Variants in CYP46A1 observed in about 807,000 individuals in gnomAD.
The protein encoded by CYP46A1 is cytochrome P450 family 46 subfamily A member 1.
In CYP46A1, 20 loss-of-function variants were observed where a neutral mutation model predicts 63.3. The ratio of observed to expected loss-of-function variants is 0.32; its 90% CI spans 0.22 to 0.46. CYP46A1 has a LOEUF of 0.46. Among genes scored for constraint, CYP46A1 ranks in the 20% least tolerant of loss-of-function variants. The pLI is 1.00. For synonymous variants in CYP46A1, 268 were observed against 273.6 expected, an observed-to-expected ratio of 0.98 and a Z score of 0.20; for missense variants, 445 against 670.8, an observed-to-expected ratio of 0.66 and a Z score of 3.72.
intron 5 of CYP46A1, 51 bp downstream of exon 5, chr14:99,700,152 G>C (rs943880): frequency 0.34 from 499,776 of 1,461,316 alleles, 89,031 homozygotes; most frequent in Middle Eastern, 0.42. Context: ...AGGCAGTAGG[G>C]GCTGCCGAAG....
At chr14:99,717,785 T>G in intron 9 of CYP46A1, 1 of 421,502 alleles carries the variant, frequency 2.4e-6, no homozygotes, top group Non-Finnish European at 4.2e-6. Context: ...CTCACGGACT[T>G]TGAATTGTGT....
intron 3 of CYP46A1, among the ~76,000 whole-genome samples, chr14:99,692,680 A>G (rs529254456): frequency 6.6e-6 from 1 of 151,692 alleles, no homozygotes; most frequent in African/African-American, 2.4e-5. Context: ...AAATACAAAA[A>G]TTAGCTGGGT....
chr14:99,716,204 G>A lies in CYP46A1; in HGVS notation c.907+5G>A, dbSNP rs778953659. 1 of 1,614,224 alleles carries A rather than the reference G, an allele frequency of 6.2e-7. No individual in the cohort carries two copies. The highest frequency in any genetic ancestry group is 8.5e-7 in the Non-Finnish European group (1 of 1,180,022). ...TCGTCACCTTCTTCATTGCTGGTTT[G>A]TAGCTTTGGCGGTGGCCAAGGGCCC... On this transcript the variant is annotated splice_donor_5th_base_variant and intron_variant, in intron 9 of 14. Coordinates refer to ENST00000261835, the MANE Select transcript of CYP46A1 (RefSeq NM_006668.2).
chr14:99,727,211 G>GT lies in CYP46A1; in HGVS notation c.*485dup, dbSNP rs1304096715. The stretch of plus-strand genomic sequence containing the variant: ...CTGCCAGGCTGTCAGCGCCTCAAGG[G>GT]TAGGGTCTGCGTGTGATTTGTCTCT... On this transcript the variant is annotated 3_prime_UTR_variant, in exon 15 of 15. Coordinates refer to ENST00000261835, the MANE Select transcript of CYP46A1 (RefSeq NM_006668.2). 6.4e-6 allele frequency: 1 copy of GT among 156,778 alleles called. No homozygotes were observed. Among genetic ancestry groups the GT allele is most frequent in the East Asian group, 1.9e-4 (1 of 5,336 alleles). The allele number at this position is 156,778 out of a possible 1,614,324, so 9.7% of individuals were successfully genotyped here. A position where few individuals can be genotyped will look rare whatever the true frequency, so the allele number is the denominator to read the frequency against.
chr14:99,721,330 G>C lies in CYP46A1; in HGVS notation c.1065+7G>C, dbSNP rs1297244677. On this transcript the variant is annotated splice_region_variant and intron_variant, in intron 11 of 14. Coordinates refer to ENST00000261835, the MANE Select transcript of CYP46A1 (RefSeq NM_006668.2). Reference sequence around the variant, plus strand: ...ACTGCAGTACCTGTCCCAGGTGTGGGAAGTAGGAGGGAAGCTTCTGGGCGG... The same window carrying C: ...ACTGCAGTACCTGTCCCAGGTGTGGCAAGTAGGAGGGAAGCTTCTGGGCGG... The C allele has an allele frequency of 6.3e-7, 1 of 1,589,676 alleles. No homozygotes were observed. The highest frequency in any genetic ancestry group is 1.3e-5 in the African/African-American group (1 of 74,372).
At chr14:99,691,995 A>C in intron 3 of CYP46A1, 134 bp downstream of exon 3, 1 of 859,346 alleles carries the variant, frequency 1.2e-6, no homozygotes, top group Non-Finnish European at 1.9e-6. Flanking sequence ...AAAGATCCAG[A>C]AAGGAATGGC....
At position 99,688,697 on chromosome 14, in the gene CYP46A1, G is replaced by A. The variant is rs113063151; in HGVS notation, c.120-2384G>A. On this transcript the variant is annotated intron_variant, in intron 1 of 14. Transcript: ENST00000261835. ...CACCCTCTCGTTCCCTGTAGCTGCC[G>A]CCCCCTATGGTAACCCACCTGGCTG... is the stretch of plus-strand genomic sequence containing the variant. Among the ~76,000 whole-genome samples the A allele has an allele frequency of 6.3e-3, 960 of 152,130 alleles. 10 individuals carry two copies. The highest frequency in any genetic ancestry group is 0.022 in the African/African-American group (928 of 41,478).
chr14:99,723,497 T>G (rs1351759497), intron 12 of CYP46A1, among the ~76,000 whole-genome samples: 1 of 152,084 alleles, frequency 6.6e-6, no homozygotes, highest in Non-Finnish European at 1.5e-5. Flanking sequence ...TTAGTAGAGA[T>G]GGGGTTTCAC....
intron 5 of CYP46A1, among the ~76,000 whole-genome samples, chr14:99,701,091 GTT>G (rs758226288): frequency 6.6e-6 from 1 of 152,146 alleles, no homozygotes; most frequent in Non-Finnish European, 1.5e-5. Flanking sequence ...ATTGAACAGT[GTT>G]TGTGTTTTAA....
chr14:99,685,317 G>T (rs866422595), intron 1 of CYP46A1, among the ~76,000 whole-genome samples: 2 of 42,862 alleles, frequency 4.7e-5, no homozygotes, highest in Non-Finnish European at 4.2e-5. Flanking sequence ...CCCTCCCCCC[G>T]CCCCCCCCGC....
chr14:99,716,248 T>C, intron 9 of CYP46A1, 49 bp downstream of exon 9: 1 of 1,591,610 alleles, frequency 6.3e-7, no homozygotes, highest in Middle Eastern at 1.7e-4. Context: ...GCAGAAATGC[T>C]GTGGACCATG....
chr14:99,723,331 TAG>T (rs929625398), intron 12 of CYP46A1, among the ~76,000 whole-genome samples: 114 of 152,348 alleles, frequency 7.5e-4, no homozygotes, highest in African/African-American at 2.6e-3. Context: ...TGTTTTTAAA[TAG>T]AGTCTTGCTC....
intron 5 of CYP46A1, chr14:99,706,444 G>C: frequency 3.4e-6 from 2 of 590,356 alleles, no homozygotes; most frequent in Non-Finnish European, 6.0e-6. Flanking sequence ...ATCCTGAGTG[G>C]AGGAGAATGG....
Position 99,707,550 on chromosome 14 carries a change from C to T in CYP46A1, c.583-18C>T, listed in dbSNP as rs1443421023. The T allele has an allele frequency of 1.9e-6, 3 of 1,610,398 alleles. No individual in the cohort carries two copies. The Admixed American group carries it at 5.0e-5, about 27-fold the overall frequency. ...CTTCTGTGCCCCAGGGATGACCTTG[C>T]CCTTCTCTCTCCCCCAGGCAGCTTT... On this transcript the variant is annotated intron_variant, in intron 6 of 14. Coordinates refer to ENST00000261835, the MANE Select transcript of CYP46A1 (RefSeq NM_006668.2).
At chr14:99,687,917 A>G (rs2056508526) in intron 1 of CYP46A1, among the ~76,000 whole-genome samples, 1 of 151,630 alleles carries the variant, frequency 6.6e-6, no homozygotes, top group Non-Finnish European at 1.5e-5. Context: ...GCTTGTTTTT[A>G]ACACCTGGGT....
At chr14:99,706,502 TG>T (rs779318081) in intron 5 of CYP46A1, 144 bp from the exon 6 acceptor site, 43 of 1,001,790 alleles carry the variant, frequency 4.3e-5, no homozygotes, top group Non-Finnish European at 5.9e-5. Flanking sequence ...ACCTGCAATC[TG>T]GGTCTCAAGG....
chr14:99,694,292 TTTC>T (rs1032766407), intron 3 of CYP46A1, among the ~76,000 whole-genome samples: 8 of 71,168 alleles, frequency 1.1e-4, no homozygotes, highest in Non-Finnish European at 2.2e-4. Context: ...TGAGATTTTC[TTTC>T]TTTTTTTTTT....
At position 99,721,940 on chromosome 14, in the gene CYP46A1, C is replaced by G; in HGVS notation, c.1066-16C>G. Reference sequence around the variant, plus strand: ...CTCCCGACTCTCCTTGTTATCTCCCCTTGTGGCTTCTCTAGGTCCTCAAAG... The same window carrying G: ...CTCCCGACTCTCCTTGTTATCTCCCGTTGTGGCTTCTCTAGGTCCTCAAAG... On this transcript the variant is annotated splice_polypyrimidine_tract_variant and intron_variant, in intron 11 of 14. Transcript: ENST00000261835. 1 of 1,604,746 alleles carries G rather than the reference C, an allele frequency of 6.2e-7. No individual in the cohort carries two copies. The highest frequency in any genetic ancestry group is 8.5e-7 in the Non-Finnish European group (1 of 1,172,260).
intron 6 of CYP46A1, among the ~76,000 whole-genome samples, chr14:99,707,019 C>A (rs2056683176): frequency 6.6e-6 from 1 of 152,208 alleles, no homozygotes; most frequent in African/African-American, 2.4e-5. Flanking sequence ...CAGGGCCTGG[C>A]CTGTAGCTGG....
Sources: allele counts gnomAD v4.1 joint callset (sites outside exome capture counted in the v4.1 genomes callset), GRCh38; gene constraint gnomAD v4.1.1; transcripts MANE v1.5; gene names NCBI Gene and HGNC (gene_info 2026-07-23, HGNC 2026-07-21).